CD96: variants seen among roughly 807,000 people sequenced by gnomAD.
The protein encoded by CD96 is T-cell surface protein tactile.
In CD96, 70 loss-of-function variants were observed where a neutral mutation model predicts 71.3. The observed-to-expected ratio is 0.98, with a 90% CI of 0.81 to 1.20. The LOEUF (loss-of-function observed/expected upper bound fraction) is 1.20. CD96 is among the 50% of genes most tolerant of loss of function. The probability of loss-of-function intolerance (pLI) is 0.00; values close to 1 mark genes in which losing one functional copy is unlikely to be tolerated. For missense variants in CD96, 742 were observed against 677.5 expected, an observed-to-expected ratio of 1.10 and a Z score of -1.06; for synonymous variants, 248 against 233.0, an observed-to-expected ratio of 1.06 and a Z score of -0.59.
intron 12 of CD96, among the ~76,000 whole-genome samples, chr3:111,639,529 T>C (rs541922202): frequency 6.6e-6 from 1 of 152,180 alleles, no homozygotes; most frequent in Non-Finnish European, 1.5e-5. Context: ...CCCGACCTGA[T>C]GGTCCTTCCC....
At chr3:111,568,493 A>G (rs1935827239) in intron 3 of CD96, among the ~76,000 whole-genome samples, 1 of 152,184 alleles carries the variant, frequency 6.6e-6, no homozygotes, top group Non-Finnish European at 1.5e-5. Flanking sequence ...TCCTGTGATG[A>G]CTAAATTCTC....
chr3:111,563,427 A>G (rs891663178), intron 2 of CD96, among the ~76,000 whole-genome samples: 2 of 152,242 alleles, frequency 1.3e-5, no homozygotes, highest in African/African-American at 4.8e-5. Flanking sequence ...GGCTAAAACT[A>G]CATTTCTTAA....
At chr3:111,556,197 TAAC>T (rs1251299254) in intron 2 of CD96, among the ~76,000 whole-genome samples, 7 of 151,938 alleles carry the variant, frequency 4.6e-5, no homozygotes, top group Non-Finnish European at 8.8e-5. Flanking sequence ...AATAGACTAA[TAAC>T]AACTTCTTTT....
chr3:111,613,168 T>G (rs1281928778), intron 8 of CD96, among the ~76,000 whole-genome samples: 2 of 152,218 alleles, frequency 1.3e-5, no homozygotes, highest in Non-Finnish European at 2.9e-5. Context: ...TATTCATCTA[T>G]TCAGTTACTC....
chr3:111,624,222 C>T (rs73852844), intron 9 of CD96, 111 bp from the exon 10 acceptor site: 56,537 of 790,482 alleles, frequency 0.072, 3,524 homozygotes, highest in East Asian at 0.22. Context: ...AGCACATTTT[C>T]AATTTCAGAT....
At chr3:111,561,918 G>GT (rs1255914130) in intron 2 of CD96, among the ~76,000 whole-genome samples, 11 of 146,310 alleles carry the variant, frequency 7.5e-5, no homozygotes, top group Non-Finnish European at 1.7e-4. Flanking sequence ...GTGGTGCGCC[G>GT]TTTTTTAAGC....
chr3:111,655,783 G>C (rs760780903), downstream of CD96, among the ~76,000 whole-genome samples: 33 of 151,926 alleles, frequency 2.2e-4, no homozygotes, highest in Non-Finnish European at 4.6e-4. Flanking sequence ...TTGAGAAAAA[G>C]GGATATTTTC....
chr3:111,584,479 G>A (rs1936612008), intron 4 of CD96, among the ~76,000 whole-genome samples: 1 of 152,140 alleles, frequency 6.6e-6, no homozygotes, highest in African/African-American at 2.4e-5. Flanking sequence ...TATTGTATTA[G>A]TCTGTTTTCA....
At chr3:111,564,491 T>G (rs1455682026) in intron 2 of CD96, among the ~76,000 whole-genome samples, 1 of 152,102 alleles carries the variant, frequency 6.6e-6, no homozygotes, top group Non-Finnish European at 1.5e-5. Flanking sequence ...TTTCTAACCC[T>G]TTCTCGAATT....
At chr3:111,599,339 T>C (rs1323200685) in intron 6 of CD96, among the ~76,000 whole-genome samples, 1 of 152,156 alleles carries the variant, frequency 6.6e-6, no homozygotes, top group Non-Finnish European at 1.5e-5. Context: ...TTGATGCATT[T>C]TGAGATTATT....
In CD96 at chr3:111,585,342, G is replaced by C. The variant is rs1480973841; in HGVS notation, c.771G>C (p.Val257=). Residue 257 remains valine, a synonymous_variant, in exon 5 of 14, where the codon GTG becomes GTC. Coordinates refer to ENST00000352690, the MANE Select transcript of CD96 (RefSeq NM_005816.5). ...TTTAAGCTAAACCAGAAATCCCTGTGATTGTGGAAAATAACTCCACGGATG... is the reference window on the plus strand; with the variant it reads ...TTTAAGCTAAACCAGAAATCCCTGTCATTGTGGAAAATAACTCCACGGATG... The part of the protein sequence containing the change: ...VKVFAKPEIP[V]IVENNSTDVL... 6.2e-7 allele frequency: 1 copy of C among 1,611,612 alleles called. No homozygotes were observed. Among genetic ancestry groups the C allele is most frequent in the South Asian group, 1.1e-5 (1 of 91,024 alleles).
At chr3:111,643,058 T>A in intron 12 of CD96, among the ~76,000 whole-genome samples, 1 of 135,168 alleles carries the variant, frequency 7.4e-6, no homozygotes, top group East Asian at 2.1e-4. Flanking sequence ...TGAACATAGA[T>A]GCCAAAATCC....
At chr3:111,658,188 A>C (rs1395880532) in intron 14 of CD96, among the ~76,000 whole-genome samples, 2 of 152,206 alleles carry the variant, frequency 1.3e-5, no homozygotes, top group Non-Finnish European at 2.9e-5. Flanking sequence ...TGTCAGAAGG[A>C]TATAGGAGTC....
At position 111,644,467 on chromosome 3, in the gene CD96, CAAAAGCAAATGCAATAAAAACAAAGATA is replaced by C. The variant is rs1272630624; in HGVS notation, c.1478-3046_1478-3019del. On this transcript the variant is annotated intron_variant, in intron 12 of 13. Coordinates refer to ENST00000352690, the MANE Select transcript of CD96 (RefSeq NM_005816.5). ...AAAACAAAGATAAATAGCAAGCACC[CAAAAGCAAATGCAATAAAAACAAAGATA>C]AAAAGCAAATGCAATAAAAACAAAG... Among the ~76,000 whole-genome samples the C allele has an allele frequency of 4.0e-5, 6 of 151,708 alleles. No homozygotes were observed. The East Asian group carries it at 5.8e-4, about 15-fold the overall frequency.
At chr3:111,654,412 G>A (rs994747764), downstream of CD96, among the ~76,000 whole-genome samples, 5 of 152,184 alleles carry the variant, frequency 3.3e-5, no homozygotes, top group Non-Finnish European at 7.4e-5. Context: ...GAACACTTTT[G>A]GAATTATTGT....
chr3:111,588,531 C>G (rs1233283443), intron 5 of CD96, among the ~76,000 whole-genome samples: 1 of 152,222 alleles, frequency 6.6e-6, no homozygotes, highest in African/African-American at 2.4e-5. Flanking sequence ...TCCAAAGTTG[C>G]ATCCACATTT....
intron 1 of CD96, among the ~76,000 whole-genome samples, chr3:111,542,541 TG>T: frequency 2.0e-5 from 3 of 152,376 alleles, no homozygotes; most frequent in Admixed American, 2.0e-4. Flanking sequence ...TTTGTGCCAC[TG>T]CTCTGAGGCA....
intron 3 of CD96, among the ~76,000 whole-genome samples, chr3:111,575,120 C>T (rs1227367284): frequency 6.6e-6 from 1 of 152,114 alleles, no homozygotes; most frequent in Non-Finnish European, 1.5e-5. Flanking sequence ...GTAGGAAAGG[C>T]TAAGACTGTT....
At chr3:111,595,728 A>T (rs1262001811) in intron 5 of CD96, among the ~76,000 whole-genome samples, 3 of 150,866 alleles carry the variant, frequency 2.0e-5, no homozygotes, top group Non-Finnish European at 4.4e-5. Flanking sequence ...CATACATTAT[A>T]TATAATATGC....
Sources: gnomAD v4.1 joint callset for allele counts (sites outside exome capture counted in the v4.1 genomes callset) on GRCh38, gnomAD v4.1.1 for gene constraint, MANE v1.5 for transcripts, NCBI Gene and HGNC (gene_info 2026-07-23, HGNC 2026-07-21) for gene names.